The following HPCAL1 variants were observed in gnomAD, a reference collection of about 807,000 sequenced individuals.
HPCAL1 encodes hippocalcin like 1.
HPCAL1 carries 8 observed loss-of-function variants against 17.1 expected under a neutral mutation model. That is an observed-to-expected ratio of 0.47 (90% CI 0.27 to 0.84). The LOEUF is 0.84. Ranked by LOEUF, HPCAL1 falls within the 40% of genes least tolerant of loss-of-function variation. The pLI, the probability that HPCAL1 is intolerant of heterozygous loss-of-function variation, is 0.13. For synonymous variants in HPCAL1, 112 were observed against 111.4 expected (o/e 1.01, Z -0.03); for missense variants, 165 against 271.1 (o/e 0.61, Z 2.75).
chr2:10,404,095 A>C (rs191859115), intron 2 of HPCAL1, among the ~76,000 whole-genome samples: 304 of 152,330 alleles, frequency 2.0e-3, no homozygotes, highest in African/African-American at 7.0e-3. Flanking sequence ...ATGAAGGTAC[A>C]TGCAGAGGTC....
chr2:10,401,120 G>T (rs1461218175), intron 2 of HPCAL1, among the ~76,000 whole-genome samples: 1 of 152,164 alleles, frequency 6.6e-6, no homozygotes, highest in Non-Finnish European at 1.5e-5. Context: ...CCCTGACCTT[G>T]CTGCCTGCTG....
chr2:10,408,718 C>A (rs1670131029), intron 2 of HPCAL1: 1 of 152,240 alleles, frequency 6.6e-6, no homozygotes, highest in Non-Finnish European at 1.5e-5. Context: ...GAAAAGAGAA[C>A]CGTGTGGGAC....
At chr2:10,426,366 T>A (rs1671407451) in intron 4 of HPCAL1, 1 of 213,162 alleles carries the variant, frequency 4.7e-6, no homozygotes, top group South Asian at 7.2e-5. Context: ...CAGCCTGGAT[T>A]CTGTATGGGT....
chr2:10,398,250 G>A (rs897855956), intron 2 of HPCAL1, among the ~76,000 whole-genome samples: 3 of 152,210 alleles, frequency 2.0e-5, no homozygotes, highest in African/African-American at 4.8e-5. Flanking sequence ...CCTCATCACC[G>A]ACTTGCATCT....
At chr2:10,405,575 T>C (rs1248215886) in intron 2 of HPCAL1, among the ~76,000 whole-genome samples, 1 of 152,238 alleles carries the variant, frequency 6.6e-6, no homozygotes, top group African/African-American at 2.4e-5. Flanking sequence ...AGGGTGGAAT[T>C]TGCAGACGGA....
intron 1 of HPCAL1, among the ~76,000 whole-genome samples, chr2:10,315,735 G>A (rs375278561): frequency 2.6e-4 from 40 of 152,258 alleles, no homozygotes; most frequent in Admixed American, 1.7e-3. Flanking sequence ...GTCCACGTGC[G>A]GTGGCTCATG....
chr2:10,311,580 G>T (rs958895481), intron 1 of HPCAL1, among the ~76,000 whole-genome samples: 1 of 152,132 alleles, frequency 6.6e-6, no homozygotes, highest in African/African-American at 2.4e-5. Flanking sequence ...GAAAGGTTAT[G>T]CATTTGAGAA....
intron 1 of HPCAL1, among the ~76,000 whole-genome samples, chr2:10,319,583 TGGGG>T (rs1663540732): frequency 5.2e-4 from 1 of 1,922 alleles, no homozygotes; most frequent in African/African-American, 1.4e-3. Context: ...TGGGGTGGGG[TGGGG>T]TGGGGTGGGG....
intron 1 of HPCAL1, among the ~76,000 whole-genome samples, chr2:10,381,726 C>G (rs1667953114): frequency 6.6e-6 from 1 of 152,178 alleles, no homozygotes; most frequent in Non-Finnish European, 1.5e-5. Flanking sequence ...TAAATCAAAG[C>G]AAACACCGAT....
At position 10,344,789 on chromosome 2, in the gene HPCAL1, TTC is replaced by T. The variant is rs780116016; in HGVS notation, c.-111+41614_-111+41615del. ...TGTGTGTCTCTCTCTGTGCCTGACT[TTC>T]TGTCTCTTTCTGCTTCTCTCTCTGT... is the stretch of plus-strand genomic sequence containing the variant. On this transcript the variant is annotated intron_variant, in intron 1 of 4. Transcript: ENST00000307845. This position sits in a 1 kb window ranked among gnomAD's most constrained non-coding sequence, Gnocchi z 4.9. Among the ~76,000 whole-genome samples, 1 of 151,162 alleles carries T rather than the reference TTC, an allele frequency of 6.6e-6. No homozygotes were observed. The highest frequency in any genetic ancestry group is 1.5e-5 in the Non-Finnish European group (1 of 67,746).
At position 10,310,010 on chromosome 2, in the gene HPCAL1, G is replaced by C. The variant is rs540726958; in HGVS notation, c.-111+6833G>C. ...TTGCAAAATACCTTGGAAAGATCAG[G>C]GACACTGGGGTTTGAATTGTAGTCT... On this transcript the variant is annotated intron_variant, in intron 1 of 4. Coordinates refer to ENST00000307845, the MANE Select transcript of HPCAL1 (RefSeq NM_002149.4). The surrounding 1 kb of genome is among the most constrained non-coding windows in gnomAD (Gnocchi z 4.5). 6.6e-6 allele frequency among the ~76,000 whole-genome samples: 1 copy of C among 152,268 alleles called. No individual in the cohort carries two copies. Among genetic ancestry groups the C allele is most frequent in the East Asian group, 1.9e-4 (1 of 5,186 alleles).
At chr2:10,312,627 A>T (rs1663058704) in intron 1 of HPCAL1, among the ~76,000 whole-genome samples, 1 of 147,936 alleles carries the variant, frequency 6.8e-6, no homozygotes, top group African/African-American at 2.5e-5. Flanking sequence ...TGCCATCACC[A>T]TCACCATCAT....
chr2:10,400,936 C>T (rs1422271256), intron 2 of HPCAL1, among the ~76,000 whole-genome samples: 1 of 152,252 alleles, frequency 6.6e-6, no homozygotes, highest in Non-Finnish European at 1.5e-5. Context: ...AGCATCTGCT[C>T]CATGTCGGGC....
At chr2:10,424,009 T>A (rs867865405) in intron 4 of HPCAL1, 1 of 154,756 alleles carries the variant, frequency 6.5e-6, no homozygotes, top group African/African-American at 2.4e-5. Context: ...AGGAGAATGG[T>A]GTGAACCCGG....
intron 1 of HPCAL1, among the ~76,000 whole-genome samples, chr2:10,361,469 T>A (rs1340893063): frequency 2.0e-5 from 3 of 152,158 alleles, no homozygotes; most frequent in African/African-American, 7.2e-5. Context: ...ATCTTCTCAT[T>A]GTTCTTGGGA....
intron 2 of HPCAL1, among the ~76,000 whole-genome samples, chr2:10,398,148 A>C (rs1558516239): frequency 2.0e-5 from 3 of 152,140 alleles, no homozygotes; most frequent in Admixed American, 1.3e-4. Flanking sequence ...TGGATGTAGC[A>C]AGGGTCAGCT....
At position 10,363,416 on chromosome 2, in the gene HPCAL1, C is replaced by T. The variant is rs1180093762; in HGVS notation, c.-110-33419C>T. ...TTTCTGCTGCTCTGATAACTTGGAT[C>T]GACTGAAGAACCTCGGGGCTTTCTT... On this transcript the variant is annotated intron_variant, in intron 1 of 4. Coordinates refer to ENST00000307845, the MANE Select transcript of HPCAL1 (RefSeq NM_002149.4). The surrounding 1 kb of genome is among the most constrained non-coding windows in gnomAD (Gnocchi z 4.7). 1.3e-5 allele frequency among the ~76,000 whole-genome samples: 2 copies of T among 152,172 alleles called. No homozygotes were observed. The highest frequency in any genetic ancestry group is 2.4e-5 in the African/African-American group (1 of 41,424).
rs1671477348 is a variant in HPCAL1 at position 10,427,239 on chromosome 2, G to T, written c.*418G>T. On this transcript the variant is annotated 3_prime_UTR_variant, in exon 5 of 5. Transcript: ENST00000307845. ...GAGGCGTCGGGAGGGTATACAGGGA[G>T]CCCCTCCCGTGCATGGCTGCCCCCC... 5.3e-6 allele frequency: 1 copy of T among 187,954 alleles called. No individual in the cohort carries two copies. The highest frequency in any genetic ancestry group is 1.1e-5 in the Non-Finnish European group (1 of 89,930). The allele number at this position is 187,954 out of a possible 1,614,324, so 11.6% of individuals were successfully genotyped here. A position where few individuals can be genotyped will look rare whatever the true frequency, so the allele number is the denominator to read the frequency against.
intron 1 of HPCAL1, among the ~76,000 whole-genome samples, chr2:10,348,476 A>T (rs1205712861): frequency 6.8e-6 from 1 of 147,226 alleles, no homozygotes; most frequent in East Asian, 2.0e-4. Flanking sequence ...AACAGAAAAA[A>T]CTCTGGGCCA....
Sources: allele counts gnomAD v4.1 joint callset (sites outside exome capture counted in the v4.1 genomes callset), GRCh38; gene constraint gnomAD v4.1.1; non-coding constraint Gnocchi (gnomAD v3.1); transcripts MANE v1.5; gene names NCBI Gene and HGNC (gene_info 2026-07-23, HGNC 2026-07-21).